MAPRE2: variants seen among roughly 807,000 people sequenced by gnomAD.
The protein encoded by MAPRE2 is microtubule-associated protein RP/EB family member 2.
A neutral mutation model predicts 43.2 loss-of-function variants in MAPRE2; 13 were observed. That is an observed-to-expected ratio of 0.30 (90% confidence interval 0.20 to 0.48). MAPRE2 has a LOEUF of 0.48. Ranked by LOEUF, MAPRE2 falls within the 20% of genes least tolerant of loss-of-function variation. The pLI is 0.99. For missense variants in MAPRE2, 161 were observed against 400.2 expected (o/e 0.40, Z 5.10); for synonymous variants, 135 against 148.8 (o/e 0.91, Z 0.68).
At chr18:35,040,134 C>T (rs897094058), upstream of MAPRE2, among the ~76,000 whole-genome samples, 5 of 152,122 alleles carry the variant, frequency 3.3e-5, no homozygotes, top group Admixed American at 6.5e-5. Context: ...ACCCAGGAGG[C>T]GGAGGTTGCA....
rs1203309481 is a variant in MAPRE2 at position 35,066,936 on chromosome 18, A to G, written c.123-3259A>G. 2.0e-5 allele frequency among the ~76,000 whole-genome samples: 3 copies of G among 152,252 alleles called. No homozygotes were observed. The East Asian group carries it at 5.8e-4, about 29-fold the overall frequency. Reference sequence around the variant, plus strand: ...CAGGGGTGTTAAATAGAAATTAACTATATTGATTTCATTGTTATTAATTTG... The same window carrying G: ...CAGGGGTGTTAAATAGAAATTAACTGTATTGATTTCATTGTTATTAATTTG... On this transcript the variant is annotated intron_variant, in intron 1 of 6. Coordinates refer to ENST00000300249, the MANE Select transcript of MAPRE2 (RefSeq NM_014268.4).
intron 1 of MAPRE2, among the ~76,000 whole-genome samples, chr18:34,979,747 ACT>A (rs2097015099): frequency 6.6e-6 from 1 of 152,170 alleles, no homozygotes; most frequent in South Asian, 2.1e-4. Context: ...AAATGGTTAC[ACT>A]TAACATTTTA....
chr18:35,024,710 T>C (rs1297892800), intron 2 of MAPRE2, among the ~76,000 whole-genome samples: 1 of 152,206 alleles, frequency 6.6e-6, no homozygotes, highest in Non-Finnish European at 1.5e-5. Context: ...ATAGACCTTT[T>C]CAGTAAATTT....
upstream of MAPRE2, among the ~76,000 whole-genome samples, chr18:35,038,524 C>T (rs2097051849): frequency 6.6e-6 from 1 of 152,168 alleles, no homozygotes; most frequent in Non-Finnish European, 1.5e-5. Context: ...CCAATGTCTC[C>T]CTTCTGGGAT....
chr18:35,096,266 T>G (rs1022766836), intron 2 of MAPRE2, among the ~76,000 whole-genome samples: 3 of 152,126 alleles, frequency 2.0e-5, no homozygotes, highest in Non-Finnish European at 4.4e-5. Flanking sequence ...GAGCACATCA[T>G]AGAGAGAGAC....
chr18:35,058,250 C>T (rs987766655), intron 1 of MAPRE2, among the ~76,000 whole-genome samples: 3 of 152,130 alleles, frequency 2.0e-5, no homozygotes, highest in African/African-American at 4.8e-5. Context: ...GCCTGTACTT[C>T]CCTTGTCCTG....
chr18:35,107,090 G>A (rs772638693), intron 4 of MAPRE2, among the ~76,000 whole-genome samples: 4 of 152,126 alleles, frequency 2.6e-5, no homozygotes, highest in Non-Finnish European at 5.9e-5. Context: ...TAAATCAAAC[G>A]CCCATATATA....
At chr18:34,992,767 A>G (rs1211583001) in intron 1 of MAPRE2, among the ~76,000 whole-genome samples, 2 of 152,204 alleles carry the variant, frequency 1.3e-5, no homozygotes, top group African/African-American at 2.4e-5. Flanking sequence ...TCCATTTAAC[A>G]TATGGAGAAT....
At chr18:35,079,601 G>C (rs1193303375) in intron 2 of MAPRE2, among the ~76,000 whole-genome samples, 1 of 152,204 alleles carries the variant, frequency 6.6e-6, no homozygotes, top group Admixed American at 6.5e-5. Flanking sequence ...AGATCTGCCA[G>C]TGGGTATGGT....
At chr18:35,134,916 A>C (rs1295325250) in intron 6 of MAPRE2, among the ~76,000 whole-genome samples, 3 of 152,140 alleles carry the variant, frequency 2.0e-5, no homozygotes, top group African/African-American at 7.2e-5. Context: ...GCTTTAAGGG[A>C]AGGAAGAGAG....
intron 4 of MAPRE2, among the ~76,000 whole-genome samples, chr18:35,124,882 G>A (rs1419648457): frequency 6.6e-6 from 1 of 152,032 alleles, no homozygotes. Flanking sequence ...TAAAGAACTT[G>A]GTCAGCGGGA....
chr18:35,126,632 C>G (rs759005776), intron 4 of MAPRE2, among the ~76,000 whole-genome samples: 5 of 151,896 alleles, frequency 3.3e-5, no homozygotes, highest in Non-Finnish European at 7.4e-5. Context: ...AAAACCTTTC[C>G]TCTTAAAAAT....
At chr18:35,072,353 A>T (rs1297020203) in intron 2 of MAPRE2, among the ~76,000 whole-genome samples, 1 of 152,226 alleles carries the variant, frequency 6.6e-6, no homozygotes, top group African/African-American at 2.4e-5. Flanking sequence ...AGGGGCAAAG[A>T]CAAAAATGTG....
intron 2 of MAPRE2, among the ~76,000 whole-genome samples, chr18:35,094,616 TA>T (rs1157485525): frequency 1.3e-5 from 2 of 152,156 alleles, no homozygotes; most frequent in Non-Finnish European, 2.9e-5. Context: ...TTGAAAATAG[TA>T]GAAGTTAATC....
chr18:35,070,553 T>G, intron 2 of MAPRE2: 88 of 304,422 alleles, frequency 2.9e-4, no homozygotes, highest in Middle Eastern at 9.5e-4. Context: ...GAAAGGTCTC[T>G]TGCTTGAGCT....
At position 35,090,086 on chromosome 18, in the gene MAPRE2, AT is replaced by A. The variant is rs1199300484; in HGVS notation, c.251-7359del. Among the ~76,000 whole-genome samples the A allele has an allele frequency of 3.0e-4, 45 of 152,300 alleles. 1 individual carries two copies. Among genetic ancestry groups the A allele is most frequent in the African/African-American group, 7.9e-4 (33 of 41,568 alleles). On this transcript the variant is annotated intron_variant, in intron 2 of 6. Transcript: ENST00000300249. ...TATATGAATTGTCCAGAATAGTCAG[AT>A]CCATAGAGACAGAAAATAGATTAGT...
chr18:34,985,384 A>G (rs2097019720), intron 1 of MAPRE2, among the ~76,000 whole-genome samples: 1 of 37,350 alleles, frequency 2.7e-5, no homozygotes, highest in Non-Finnish European at 4.3e-5. Flanking sequence ...ATATTATTTT[A>G]TATATATATA....
intron 1 of MAPRE2, among the ~76,000 whole-genome samples, chr18:35,053,611 G>GT (rs147017679): frequency 0.048 from 7,239 of 152,124 alleles, 266 homozygotes; most frequent in South Asian, 0.092. Flanking sequence ...TCTTTTCTTT[G>GT]TATTGTGTGT....
Position 34,990,153 on chromosome 18 carries a change from G to C in MAPRE2, c.-70+13074G>C, listed in dbSNP as rs530778305. 6.6e-4 allele frequency among the ~76,000 whole-genome samples: 100 copies of C among 152,270 alleles called. 1 individual carries two copies. The highest frequency in any genetic ancestry group is 1.6e-4 in the Non-Finnish European group (11 of 68,030). ...GAGAATCTTCTTGTGCACTCAGAAA[G>C]GTTGCTCTCCACCATGGGACTACAG... On this transcript the variant is annotated intron_variant, in intron 1 of 7. Transcript: ENST00000413393.
Sources: allele counts gnomAD v4.1 joint callset (sites outside exome capture counted in the v4.1 genomes callset), GRCh38; gene constraint gnomAD v4.1.1; transcripts MANE v1.5; gene names NCBI Gene and HGNC (gene_info 2026-07-23, HGNC 2026-07-21).